FICD: variants seen among roughly 807,000 people sequenced by gnomAD.
FICD encodes protein adenylyltransferase FICD.
Under a neutral mutation model 28.0 loss-of-function variants are expected in FICD, and 13 were observed. The observed-to-expected ratio is 0.46, with a 90% CI of 0.30 to 0.74. FICD has a LOEUF of 0.74. Ranked by LOEUF, FICD falls within the 30% of genes least tolerant of loss-of-function variation. The probability of loss-of-function intolerance (pLI) is 0.07; values close to 1 mark genes in which losing one functional copy is unlikely to be tolerated. For synonymous variants in FICD, 268 were observed against 266.4 expected (o/e 1.01, Z -0.06); for missense variants, 576 against 624.5 (o/e 0.92, Z 0.83).
In FICD at chr12:108,519,205, CGG is replaced by C. The variant is rs1191700402; in HGVS notation, c.1109_1110del (p.Gly370GlufsTer53). On this transcript the variant is annotated frameshift_variant, in exon 3 of 3. Coordinates refer to ENST00000552695, the MANE Select transcript of FICD (RefSeq NM_007076.3). LOFTEE classifies it high-confidence loss of function. This position sits in a 1 kb window ranked among gnomAD's most constrained non-coding sequence, Gnocchi z 4.5. ...ACATCCACCCTTTCATTGATGGCAACGGGAGGACCTCCCGTCTGCTCATGAAC... is the reference window on the plus strand; with the variant it reads ...ACATCCACCCTTTCATTGATGGCAACGAGGACCTCCCGTCTGCTCATGAAC... ...VYIHPFIDGN[G>X]RTSRLLMNLI... is the part of the protein sequence containing the mutation. 28 of 1,614,112 alleles carry C rather than the reference CGG, an allele frequency of 1.7e-5. No individual in the cohort carries two copies. Among genetic ancestry groups the C allele is most frequent in the African/African-American group, 2.7e-5 (2 of 74,946 alleles).
Sources: gnomAD v4.1 joint callset for allele counts on GRCh38, gnomAD v4.1.1 for gene constraint, Gnocchi (gnomAD v3.1) non-coding constraint, MANE v1.5 for transcripts, NCBI Gene and HGNC (gene_info 2026-07-23, HGNC 2026-07-21) for gene names.